Variants in UMPS observed in about 807,000 individuals in gnomAD.
UMPS encodes the protein uridine 5'-monophosphate synthase.
UMPS carries 21 observed loss-of-function variants against 38.9 expected under a neutral mutation model. The ratio of observed to expected loss-of-function variants is 0.54; its 90% CI spans 0.38 to 0.78. The LOEUF is 0.78. Ranked by LOEUF, UMPS falls within the 30% of genes least tolerant of loss-of-function variation. The probability of loss-of-function intolerance (pLI) is 0.00; values close to 1 mark genes in which losing one functional copy is unlikely to be tolerated. For synonymous variants in UMPS, 208 were observed against 219.3 expected, an observed-to-expected ratio of 0.95 and a Z score of 0.45; for missense variants, 533 against 591.6, an observed-to-expected ratio of 0.90 and a Z score of 1.03.
At chr3:124,733,459 G>T in intron 1 of UMPS, 1 of 183,160 alleles carries the variant, frequency 5.5e-6, no homozygotes, top group South Asian at 1.3e-4. Context: ...GCACCCACAG[G>T]TTTAAATCAG....
chr3:124,737,229 C>A, intron 2 of UMPS: 1 of 291,994 alleles, frequency 3.4e-6, no homozygotes, highest in Admixed American at 5.0e-5. Context: ...CATAGTGAGA[C>A]CTCATCTCTA....
chr3:124,739,992 C>G (rs369424191), intron 3 of UMPS, 32 bp from the exon 4 acceptor site: 49 of 1,611,404 alleles, frequency 3.0e-5, no homozygotes, highest in Non-Finnish European at 4.0e-5. Flanking sequence ...GTTTGAAAAT[C>G]AGCAAATATC....
intron 2 of UMPS, among the ~76,000 whole-genome samples, chr3:124,735,844 G>T (rs1448530772): frequency 6.6e-6 from 1 of 152,212 alleles, no homozygotes; most frequent in Non-Finnish European, 1.5e-5. Flanking sequence ...GGGCGTGGTG[G>T]TATGCACCTG....
intron 3 of UMPS, among the ~76,000 whole-genome samples, 191 bp from the exon 4 acceptor site, chr3:124,739,833 T>C (rs1184827726): frequency 6.6e-6 from 1 of 152,190 alleles, no homozygotes; most frequent in African/African-American, 2.4e-5. Context: ...GCTACTTACC[T>C]GAATAACAGA....
In UMPS at chr3:124,730,485, G is replaced by T. The variant is rs2063467403; in HGVS notation, c.14G>T (p.Arg5Leu). 1.2e-6 allele frequency: 2 copies of T among 1,614,158 alleles called. No individual in the cohort carries two copies. The highest frequency in any genetic ancestry group is 2.7e-5 in the African/African-American group (2 of 75,050). MAVA[R>L]AALGPLVTGL... is the part of the protein sequence containing the mutation. ...CAGCGCGCGACAATGGCGGTCGCTC[G>T]TGCAGCTTTGGGGCCATTGGTGACG... The change falls in exon 1 of 6, where the codon CGT becomes CTT. Residue 5 changes from arginine (R) to leucine (L), a missense_variant. By Grantham distance (102) the Arg-to-Leu change is moderately radical (BLOSUM62 -2). Coordinates refer to ENST00000232607, the MANE Select transcript of UMPS (RefSeq NM_000373.4).
rs757137245 is a variant in UMPS, at chr3:124,737,706, T to C, written c.449T>C (p.Ile150Thr). The C allele has an allele frequency of 3.1e-6, 5 of 1,614,200 alleles. No individual in the cohort carries two copies. The East Asian group carries it at 8.9e-5, about 29-fold the overall frequency. ...QKEGLKVTDA[I>T]VLLDREQGGK... ...GAGGGCTTGAAGGTCACTGATGCCA[T>C]AGTGCTGTTGGACAGAGAGCAGGGA... The change falls in exon 3 of 6, where the codon ATA becomes ACA. Residue 150 changes from isoleucine to threonine, a missense_variant. Coordinates refer to ENST00000232607, the MANE Select transcript of UMPS (RefSeq NM_000373.4).
intron 2 of UMPS, among the ~76,000 whole-genome samples, chr3:124,735,751 C>T (rs919527753): frequency 7.3e-5 from 11 of 151,570 alleles, no homozygotes; most frequent in African/African-American, 2.2e-4. Flanking sequence ...CCGAGGTAGG[C>T]GGATCACTTG....
chr3:124,748,777 G>A lies in UMPS; in HGVS notation c.*4693G>A, dbSNP rs757504757. The A allele has an allele frequency of 3.2e-4, 130 of 410,088 alleles. No homozygotes were observed. Among genetic ancestry groups the A allele is most frequent in the Non-Finnish European group, 5.3e-4 (110 of 206,120 alleles). 25.4% of individuals were successfully genotyped at this position (410,088 alleles called of 1,614,324 possible). ...CCCTCGCCCCAGCTCGGCCATGTGTGTCTGGGACAGAGCCTGAGGTGGCCT... is the reference window on the plus strand; with the variant it reads ...CCCTCGCCCCAGCTCGGCCATGTGTATCTGGGACAGAGCCTGAGGTGGCCT... On this transcript the variant is annotated 3_prime_UTR_variant, in exon 6 of 6. Transcript: ENST00000232607.
chr3:124,737,540 G>T (rs1190709278), intron 2 of UMPS, 28 bp from the exon 3 acceptor site: 1 of 1,610,810 alleles, frequency 6.2e-7, no homozygotes, highest in Non-Finnish European at 8.5e-7. Context: ...ATTTAAATTT[G>T]GAATCAGCAA....
At chr3:124,741,307 C>T (rs939854002) in intron 4 of UMPS, among the ~76,000 whole-genome samples, 6 of 151,852 alleles carry the variant, frequency 4.0e-5, no homozygotes, top group Non-Finnish European at 7.4e-5. Flanking sequence ...CTCGAAGTAC[C>T]GAGGCTGGAG....
intron 1 of UMPS, among the ~76,000 whole-genome samples, chr3:124,731,097 C>G (rs1414809401): frequency 6.6e-6 from 1 of 152,006 alleles, no homozygotes; most frequent in Non-Finnish European, 1.5e-5. Flanking sequence ...TGGCGCACGC[C>G]TGGGACGCTG....
Position 124,744,919 on chromosome 3 carries a change from T to C in UMPS, c.*835T>C, listed in dbSNP as rs1163512794. ...TGCTCACTCTCCAAAGAGGGGAAGG[T>C]GGGGAAGGGGAAGGTGACTATAGCT... is the stretch of plus-strand genomic sequence containing the variant. On this transcript the variant is annotated 3_prime_UTR_variant, in exon 6 of 6. Coordinates refer to ENST00000232607, the MANE Select transcript of UMPS (RefSeq NM_000373.4). 2.0e-5 allele frequency: 9 copies of C among 453,742 alleles called. No homozygotes were observed. Among genetic ancestry groups the C allele is most frequent in the African/African-American group, 8.0e-5 (4 of 49,924 alleles). 28.1% of individuals were successfully genotyped at this position (453,742 alleles called of 1,614,324 possible).
intron 5 of UMPS, among the ~76,000 whole-genome samples, chr3:124,743,586 C>T (rs1163922277): frequency 1.3e-5 from 2 of 148,900 alleles, no homozygotes; most frequent in Admixed American, 6.7e-5. Context: ...TGCAGTGAGC[C>T]GAGATAGCAC....
At chr3:124,742,871 TTATTG>T (rs1465759126) in intron 5 of UMPS, among the ~76,000 whole-genome samples, 3 of 152,236 alleles carry the variant, frequency 2.0e-5, no homozygotes, top group Non-Finnish European at 1.5e-5. Flanking sequence ...AGGCCAATCT[TTATTG>T]TATTTTTTTG....
At position 124,744,345 on chromosome 3, in the gene UMPS, G is replaced by T. The variant is rs1477694454; in HGVS notation, c.*261G>T. The T allele has an allele frequency of 1.9e-6, 1 of 538,154 alleles. No individual in the cohort carries two copies. Among genetic ancestry groups the T allele is most frequent in the South Asian group, 1.5e-5 (1 of 65,206 alleles). The allele number at this position is 538,154 out of a possible 1,614,324, so 33.3% of individuals were successfully genotyped here. On this transcript the variant is annotated 3_prime_UTR_variant, in exon 6 of 6. Coordinates refer to ENST00000232607, the MANE Select transcript of UMPS (RefSeq NM_000373.4). ...TGTTAGACAGCCACAGTCCTGTCTG[G>T]GTTAGGGTCTTCCACATTTGAGGAT...
At chr3:124,743,864 G>A (rs1307984743) in intron 5 of UMPS, 51 bp from the exon 6 acceptor site, 6 of 1,608,710 alleles carry the variant, frequency 3.7e-6, no homozygotes, top group Non-Finnish European at 5.1e-6. Context: ...CATGTGACAG[G>A]TTTTCTGATT....
chr3:124,739,634 T>C (rs1197897708), intron 3 of UMPS, among the ~76,000 whole-genome samples: 6 of 152,172 alleles, frequency 3.9e-5, no homozygotes, highest in African/African-American at 1.2e-4. Flanking sequence ...ATGCCCAGCT[T>C]CAAGAGGAAT....
chr3:124,735,837 C>T (rs1966981), intron 2 of UMPS, among the ~76,000 whole-genome samples: 26,211 of 152,116 alleles, frequency 0.17, 2,479 homozygotes, highest in Admixed American at 0.25. Context: ...ATTAGCTGGG[C>T]GTGGTGGTAT....
chr3:124,741,481 T>C (rs1024174263), intron 4 of UMPS, among the ~76,000 whole-genome samples: 2 of 152,164 alleles, frequency 1.3e-5, no homozygotes, highest in African/African-American at 4.8e-5. Flanking sequence ...GGGAGACCAG[T>C]TGATGTTACA....
Sources: allele counts gnomAD v4.1 joint callset (sites outside exome capture counted in the v4.1 genomes callset), GRCh38; gene constraint gnomAD v4.1.1; transcripts MANE v1.5; gene names NCBI Gene and HGNC (gene_info 2026-07-23, HGNC 2026-07-21).